The following PTPN9 variants were observed in gnomAD, a reference collection of about 807,000 sequenced individuals.
PTPN9 encodes protein tyrosine phosphatase non-receptor type 9, also known as tyrosine-protein phosphatase non-receptor type 9.
A neutral mutation model predicts 69.8 loss-of-function variants in PTPN9; 26 were observed. That is an observed-to-expected ratio of 0.37 (90% CI 0.27 to 0.52). The LOEUF is 0.52. PTPN9 is among the 20% of genes least tolerant of loss of function. The pLI, the probability that PTPN9 is intolerant of heterozygous loss-of-function variation, is 0.91. For synonymous variants in PTPN9, 274 were observed against 272.5 expected, an observed-to-expected ratio of 1.01 and a Z score of -0.05; for missense variants, 549 against 740.3, an observed-to-expected ratio of 0.74 and a Z score of 3.00.
intron 5 of PTPN9, among the ~76,000 whole-genome samples, chr15:75,511,660 T>C (rs2074845803): frequency 6.6e-6 from 1 of 152,178 alleles, no homozygotes; most frequent in Non-Finnish European, 1.5e-5. Context: ...CACCTTTACA[T>C]ATTAAAAAGT....
intron 7 of PTPN9, among the ~76,000 whole-genome samples, chr15:75,500,322 T>TA (rs1208320261): frequency 6.8e-6 from 1 of 147,450 alleles, no homozygotes; most frequent in Non-Finnish European, 1.5e-5. Flanking sequence ...AATAAATAAA[T>TA]AAATAAATAA....
At chr15:75,568,826 G>C (rs2075137194) in intron 1 of PTPN9, among the ~76,000 whole-genome samples, 1 of 152,102 alleles carries the variant, frequency 6.6e-6, no homozygotes, top group Admixed American at 6.6e-5. Context: ...AACAGAACAA[G>C]ACCCTGTCTC....
chr15:75,533,224 C>T (rs919934693), intron 1 of PTPN9, among the ~76,000 whole-genome samples: 2 of 152,172 alleles, frequency 1.3e-5, no homozygotes, highest in African/African-American at 4.8e-5. Context: ...TTACCACTTA[C>T]AACCCTCCTT....
chr15:75,518,109 T>C (rs567059456), intron 4 of PTPN9, among the ~76,000 whole-genome samples: 12 of 152,318 alleles, frequency 7.9e-5, no homozygotes, highest in African/African-American at 2.6e-4. Context: ...TAGTGGTTCA[T>C]GACTGTAGTC....
chr15:75,505,509 A>C (rs994820765), intron 7 of PTPN9, among the ~76,000 whole-genome samples, 166 bp downstream of exon 7: 1 of 152,110 alleles, frequency 6.6e-6, no homozygotes, highest in Non-Finnish European at 1.5e-5. Context: ...ACCAAAGCAG[A>C]AAGTACCTCT....
At chr15:75,552,165 G>A (rs370975825) in intron 1 of PTPN9, among the ~76,000 whole-genome samples, 9 of 152,128 alleles carry the variant, frequency 5.9e-5, no homozygotes, top group African/African-American at 2.2e-4. Flanking sequence ...TTGGGAGGCC[G>A]AGGTGGGTGG....
intron 6 of PTPN9, among the ~76,000 whole-genome samples, chr15:75,507,957 C>T (rs1211987233): frequency 2.0e-5 from 3 of 146,846 alleles, no homozygotes; most frequent in African/African-American, 7.6e-5. Context: ...GCAGAAGAAT[C>T]GCTTGAACTC....
At chr15:75,515,607 A>T (rs915253345) in intron 5 of PTPN9, among the ~76,000 whole-genome samples, 2 of 151,932 alleles carry the variant, frequency 1.3e-5, no homozygotes, top group African/African-American at 4.8e-5. Flanking sequence ...GTCTCTATTT[A>T]AAAAATAAGG....
At chr15:75,501,479 T>TC (rs1479436312) in intron 7 of PTPN9, among the ~76,000 whole-genome samples, 3 of 150,534 alleles carry the variant, frequency 2.0e-5, no homozygotes, top group South Asian at 2.1e-4. Flanking sequence ...TTTTTTTTTT[T>TC]CCTTAGACAA....
chr15:75,557,434 A>C (rs2075082722), intron 1 of PTPN9, among the ~76,000 whole-genome samples: 1 of 151,792 alleles, frequency 6.6e-6, no homozygotes, highest in African/African-American at 2.4e-5. Context: ...CAAAAAAAAA[A>C]ACACAAAAAA....
At chr15:75,553,580 T>G (rs2075064532) in intron 1 of PTPN9, among the ~76,000 whole-genome samples, 1 of 152,126 alleles carries the variant, frequency 6.6e-6, no homozygotes, top group African/African-American at 2.4e-5. Context: ...TATGCCCCAG[T>G]AACACATTCA....
intron 9 of PTPN9, among the ~76,000 whole-genome samples, chr15:75,477,916 C>T (rs1384106269): frequency 6.7e-6 from 1 of 149,092 alleles, no homozygotes; most frequent in Admixed American, 6.7e-5. Flanking sequence ...TCGCAGTCCA[C>T]TGCAACCTCT....
At chr15:75,513,377 T>C (rs1320397426) in intron 5 of PTPN9, 7 of 455,934 alleles carry the variant, frequency 1.5e-5, no homozygotes, top group African/African-American at 1.4e-4. Context: ...TTGTTCTAGA[T>C]GCTGTATATT....
At chr15:75,470,911 C>T (rs548755537) in intron 10 of PTPN9, 81 bp from the exon 11 acceptor site, 2 of 1,507,770 alleles carry the variant, frequency 1.3e-6, no homozygotes, top group African/African-American at 2.8e-5. Flanking sequence ...ACCTGATATA[C>T]CCCCAGGCAG....
intron 1 of PTPN9, among the ~76,000 whole-genome samples, chr15:75,536,058 A>G (rs2074981149): frequency 2.0e-5 from 3 of 152,248 alleles, no homozygotes; most frequent in South Asian, 2.1e-4. Context: ...TGCATTTGGG[A>G]AAAGTTTTAA....
At chr15:75,493,485 G>A (rs1334183100) in intron 7 of PTPN9, among the ~76,000 whole-genome samples, 2 of 152,012 alleles carry the variant, frequency 1.3e-5, no homozygotes, top group East Asian at 1.9e-4. Flanking sequence ...AACTGGCCAG[G>A]CACAGTAGCT....
At chr15:75,548,581 G>T (rs576897152) in intron 1 of PTPN9, among the ~76,000 whole-genome samples, 27 of 151,336 alleles carry the variant, frequency 1.8e-4, no homozygotes, top group Non-Finnish European at 3.5e-4. Flanking sequence ...CTTCTAAAGA[G>T]AAGACAGATG....
At chr15:75,490,121 C>G in intron 8 of PTPN9, 87 bp downstream of exon 8, 1 of 1,101,044 alleles carries the variant, frequency 9.1e-7, no homozygotes, top group South Asian at 1.3e-5. Context: ...AGTCTACTTT[C>G]ATTCTACCGA....
At chr15:75,500,810 T>A (rs776519041) in intron 7 of PTPN9, among the ~76,000 whole-genome samples, 2 of 151,608 alleles carry the variant, frequency 1.3e-5, no homozygotes, top group Non-Finnish European at 2.9e-5. Context: ...CAATTGAGCA[T>A]CAAGAGATGG....
Sources: gnomAD v4.1 joint callset for allele counts (sites outside exome capture counted in the v4.1 genomes callset) on GRCh38, gnomAD v4.1.1 for gene constraint, MANE v1.5 for transcripts, NCBI Gene and HGNC (gene_info 2026-07-23, HGNC 2026-07-21) for gene names.